Variants in MEGF11 observed in about 807,000 individuals in gnomAD.
MEGF11 encodes the protein multiple EGF like domains 11, also known as multiple epidermal growth factor-like domains protein 11.
MEGF11 carries 126 observed loss-of-function variants against 146.6 expected under a neutral mutation model. That is an observed-to-expected ratio of 0.86 (90% CI 0.74 to 1.00). The LOEUF (loss-of-function observed/expected upper bound fraction) is 1.00, where lower values mean the gene tolerates loss of function less well. Among genes scored for constraint, MEGF11 ranks in the 50% least tolerant of loss-of-function variants. The pLI is 0.00. For missense variants in MEGF11, 1,509 were observed against 1,521.2 expected, an observed-to-expected ratio of 0.99 and a Z score of 0.13; for synonymous variants, 532 against 583.4, an observed-to-expected ratio of 0.91 and a Z score of 1.27.
At chr15:65,943,351 G>A (rs2080076421) in intron 10 of MEGF11, among the ~76,000 whole-genome samples, 1 of 152,174 alleles carries the variant, frequency 6.6e-6, no homozygotes, top group African/African-American at 2.4e-5. Flanking sequence ...GGTGTTGGGG[G>A]AGGTCTTTCT....
intron 5 of MEGF11, among the ~76,000 whole-genome samples, chr15:66,075,145 T>C (rs917223644): frequency 1.3e-5 from 2 of 152,210 alleles, no homozygotes; most frequent in Non-Finnish European, 2.9e-5. Context: ...ACATCCTGAT[T>C]CACAATGAAG....
intron 5 of MEGF11, among the ~76,000 whole-genome samples, chr15:66,002,981 T>TTTC (rs1555460240): frequency 2.0e-5 from 3 of 150,320 alleles, no homozygotes; most frequent in South Asian, 4.2e-4. Flanking sequence ...TGTTTCTTTC[T>TTTC]TTTCTTTCTT....
intron 2 of MEGF11, among the ~76,000 whole-genome samples, chr15:66,125,870 C>T (rs114015851): frequency 4.1e-4 from 63 of 152,202 alleles, no homozygotes; most frequent in African/African-American, 1.5e-3. Flanking sequence ...CCTTGGATGC[C>T]CAGAGAGAAG....
chr15:66,142,862 G>T (rs1424797202), intron 1 of MEGF11, among the ~76,000 whole-genome samples: 1 of 152,204 alleles, frequency 6.6e-6, no homozygotes, highest in Non-Finnish European at 1.5e-5. Context: ...GGGCCTGAAG[G>T]CCTGAGTTTG....
chr15:66,127,847 AC>A (rs199529962), intron 2 of MEGF11, among the ~76,000 whole-genome samples: 34,328 of 151,634 alleles, frequency 0.23, 4,277 homozygotes, highest in South Asian at 0.42. Flanking sequence ...GGACCCCCTC[AC>A]CCGTCCTCCT....
At chr15:66,192,983 C>T (rs1007214422) in intron 1 of MEGF11, among the ~76,000 whole-genome samples, 3 of 152,222 alleles carry the variant, frequency 2.0e-5, no homozygotes, top group African/African-American at 7.2e-5. Flanking sequence ...CATTCCCAAA[C>T]ATCCCAATCT....
chr15:65,979,583 C>T (rs1479705489), intron 7 of MEGF11, among the ~76,000 whole-genome samples: 3 of 152,156 alleles, frequency 2.0e-5, no homozygotes, highest in African/African-American at 2.4e-5. Context: ...GAGGCAGGGA[C>T]GCAGCCCAGG....
In MEGF11 at chr15:65,982,244, G is replaced by C. The variant is rs1249382498; in HGVS notation, c.639C>G (p.Val213=). The C allele has an allele frequency of 6.6e-7, 1 of 1,511,148 alleles. No individual in the cohort carries two copies. The highest frequency in any genetic ancestry group is 8.9e-7 in the Non-Finnish European group (1 of 1,127,646). The allele number at this position is 1,511,148 out of a possible 1,614,324, so 93.6% of individuals were successfully genotyped here. A position where few individuals can be genotyped will look rare whatever the true frequency, so the allele number is the denominator to read the frequency against. The change falls in exon 6 of 26, where the codon GTC becomes GTG. Residue 213 remains valine, a splice_region_variant and synonymous_variant. Coordinates refer to ENST00000395614, the MANE Select transcript of MEGF11 (RefSeq NM_001385028.1). The surrounding 1 kb of genome is among the most constrained non-coding windows in gnomAD (Gnocchi z 5.6). ...CCAGGTCCTGCCGCATGACTCACTAGACGCCGGTGTAGCCAGGTGCGCAGA... is the reference window on the plus strand; with the variant it reads ...CCAGGTCCTGCCGCATGACTCACTACACGCCGGTGTAGCCAGGTGCGCAGA... ...ECLCAPGYTG[V]YCEELCPPGS...
At chr15:66,089,160 C>A (rs1211702126) in intron 5 of MEGF11, among the ~76,000 whole-genome samples, 1 of 152,182 alleles carries the variant, frequency 6.6e-6, no homozygotes, top group Non-Finnish European at 1.5e-5. Flanking sequence ...CCAAGTCGGC[C>A]TGGGGTCCCA....
At chr15:65,943,661 AGTAT>A (rs1199209372) in intron 10 of MEGF11, among the ~76,000 whole-genome samples, 1 of 152,102 alleles carries the variant, frequency 6.6e-6, no homozygotes, top group Non-Finnish European at 1.5e-5. Context: ...TGATCCATGT[AGTAT>A]GTGAGTTTGG....
chr15:65,949,287 C>T (rs1023097044), intron 10 of MEGF11, among the ~76,000 whole-genome samples: 1 of 152,134 alleles, frequency 6.6e-6, no homozygotes, highest in Non-Finnish European at 1.5e-5. Flanking sequence ...AATCACTGCT[C>T]CACTGATCTG....
At chr15:65,915,411 C>T (rs1596830608) in intron 19 of MEGF11, 59 bp downstream of exon 19, 4 of 1,592,692 alleles carry the variant, frequency 2.5e-6, no homozygotes, top group East Asian at 2.2e-5. Context: ...TTGGAATCTC[C>T]CTAGAGCTGC....
At chr15:66,079,181 G>A (rs1225274773) in intron 5 of MEGF11, among the ~76,000 whole-genome samples, 1 of 152,150 alleles carries the variant, frequency 6.6e-6, no homozygotes, top group Non-Finnish European at 1.5e-5. Flanking sequence ...CTGCCCCATG[G>A]CCTGCCTGCC....
chr15:66,137,306 A>G (rs2088929689), intron 1 of MEGF11, among the ~76,000 whole-genome samples: 1 of 152,216 alleles, frequency 6.6e-6, no homozygotes, highest in Non-Finnish European at 1.5e-5. Context: ...TATAGTCAGA[A>G]AAGCAAAGAT....
chr15:65,913,723 A>G lies in MEGF11; in HGVS notation c.2710+14T>C. 1 of 1,596,484 alleles carries G rather than the reference A, an allele frequency of 6.3e-7. No homozygotes were observed. On this transcript the variant is annotated intron_variant, in intron 20 of 25. Transcript: ENST00000395614. ...GGAGGGGAAGAGGAGGGAGGCCAGG[A>G]GCATGGCCCTTACCTGAGAGGGAGT...
chr15:65,993,398 G>A (rs1188818295), intron 5 of MEGF11, among the ~76,000 whole-genome samples: 4 of 152,164 alleles, frequency 2.6e-5, no homozygotes, highest in African/African-American at 9.7e-5. Flanking sequence ...AGCTCCCAGC[G>A]GCCCAGCAGC....
intron 5 of MEGF11, among the ~76,000 whole-genome samples, chr15:66,087,306 C>T (rs1173363739): frequency 6.6e-6 from 1 of 152,212 alleles, no homozygotes; most frequent in African/African-American, 2.4e-5. Context: ...ATTTAAACTA[C>T]TTCCCAGAAC....
At chr15:65,970,412 T>C in intron 8 of MEGF11, 141 bp downstream of exon 8, 1 of 934,802 alleles carries the variant, frequency 1.1e-6, no homozygotes. Context: ...GTGCCAACCC[T>C]CCCTGGCAGG....
intron 1 of MEGF11, among the ~76,000 whole-genome samples, chr15:66,137,413 A>G (rs2088937564): frequency 6.6e-6 from 1 of 152,242 alleles, no homozygotes; most frequent in African/African-American, 2.4e-5. Flanking sequence ...CATGAACATT[A>G]TGATCACATT....
Sources: allele counts gnomAD v4.1 joint callset (sites outside exome capture counted in the v4.1 genomes callset), GRCh38; gene constraint gnomAD v4.1.1; non-coding constraint Gnocchi (gnomAD v3.1); transcripts MANE v1.5; gene names NCBI Gene and HGNC (gene_info 2026-07-23, HGNC 2026-07-21).